Variants in MSI2 observed in about 807,000 individuals in gnomAD.
The protein encoded by MSI2 is RNA-binding protein Musashi homolog 2.
In MSI2, 17 loss-of-function variants were observed where a neutral mutation model predicts 45.6. The observed-to-expected ratio is 0.37, with a 90% CI of 0.26 to 0.56. The LOEUF (loss-of-function observed/expected upper bound fraction) is 0.56. Among genes scored for constraint, MSI2 ranks in the 20% least tolerant of loss-of-function variants. MSI2 has a pLI of 0.77. For missense variants in MSI2, 293 were observed against 444.2 expected, an observed-to-expected ratio of 0.66 and a Z score of 3.06; for synonymous variants, 156 against 158.2, an observed-to-expected ratio of 0.99 and a Z score of 0.11.
At chr17:57,563,114 A>C (rs533241589) in intron 7 of MSI2, among the ~76,000 whole-genome samples, 1 of 151,488 alleles carries the variant, frequency 6.6e-6, no homozygotes, top group East Asian at 1.9e-4. Flanking sequence ...AAAAAAAAAA[A>C]AAAAAAACAG....
At chr17:57,485,641 A>T (rs943932476) in intron 6 of MSI2, among the ~76,000 whole-genome samples, 2 of 152,186 alleles carry the variant, frequency 1.3e-5, no homozygotes, top group African/African-American at 4.8e-5. Flanking sequence ...AGCCTTTGAT[A>T]TGTAGTGATG....
At chr17:57,411,058 G>A (rs2084186613) in intron 6 of MSI2, among the ~76,000 whole-genome samples, 1 of 152,194 alleles carries the variant, frequency 6.6e-6, no homozygotes, top group Non-Finnish European at 1.5e-5. Context: ...AGGCTGGAGT[G>A]CAGCAGCACG....
At chr17:57,498,537 G>A (rs1360043552) in intron 6 of MSI2, among the ~76,000 whole-genome samples, 2 of 152,170 alleles carry the variant, frequency 1.3e-5, no homozygotes, top group South Asian at 4.1e-4. Flanking sequence ...ACCAAAATGT[G>A]GGATGGAAGG....
At chr17:57,285,115 C>T (rs16958191) in intron 5 of MSI2, among the ~76,000 whole-genome samples, 2,476 of 152,170 alleles carry the variant, frequency 0.016, 65 homozygotes, top group African/African-American at 0.056. Context: ...TTGCATCCTT[C>T]CCCTTAGATA....
intron 13 of MSI2, among the ~76,000 whole-genome samples, chr17:57,678,100 C>G (rs1598520151): frequency 6.6e-6 from 1 of 152,194 alleles, no homozygotes; most frequent in African/African-American, 2.4e-5. Context: ...GAACTGGCCA[C>G]TTTGGGCTTG....
intron 10 of MSI2, among the ~76,000 whole-genome samples, chr17:57,645,496 C>T (rs1180913900): frequency 1.3e-4 from 20 of 151,532 alleles, no homozygotes; most frequent in Non-Finnish European, 2.4e-4. Context: ...AGTCCAGTGG[C>T]GCAATGTTGG....
intron 10 of MSI2, among the ~76,000 whole-genome samples, chr17:57,644,300 G>T (rs959021690): frequency 1.3e-5 from 2 of 149,350 alleles, no homozygotes; most frequent in Middle Eastern, 3.4e-3. Flanking sequence ...TGTCCCTTTG[G>T]TTATCAATTG....
chr17:57,533,113 T>C (rs1053117173), intron 7 of MSI2, among the ~76,000 whole-genome samples: 1 of 152,186 alleles, frequency 6.6e-6, no homozygotes, highest in African/African-American at 2.4e-5. Context: ...TTGACCCCAC[T>C]GGTCACCTCC....
In MSI2 at chr17:57,648,132, CGTGTGTGTGTGTGTGTGTGT is replaced by C. The variant is rs765039915; in HGVS notation, c.728-3936_728-3917del. 1.1e-4 allele frequency among the ~76,000 whole-genome samples: 13 copies of C among 116,182 alleles called. No individual in the cohort carries two copies. In the South Asian group the frequency reaches 2.3e-3, roughly 21 times the overall value. 76.2% of individuals were successfully genotyped at this position (116,182 alleles called of 152,430 possible). A position where few individuals can be genotyped will look rare whatever the true frequency, so the allele number is the denominator to read the frequency against. ...CATGCACCACCATGCCTGGCTAATT[CGTGTGTGTGTGTGTGTGTGT>C]GTGTGTGTGTGTGTGTGTGTGTGTG... On this transcript the variant is annotated intron_variant, in intron 10 of 13. Transcript: ENST00000284073.
In MSI2 at chr17:57,660,490, C is replaced by T. The variant is rs1044615550; in HGVS notation, c.790+8329C>T. On this transcript the variant is annotated intron_variant, in intron 11 of 13. Transcript: ENST00000284073. ...GATGCCCACCACAGCCCTGGAAGTT[C>T]CTGGAAGTTCATGGATAAATACTAA... 4.6e-5 allele frequency among the ~76,000 whole-genome samples: 7 copies of T among 152,184 alleles called. No homozygotes were observed. In the East Asian group the frequency reaches 1.3e-3, roughly 29 times the overall value.
rs574710577 is a variant in MSI2 at position 57,478,433 on chromosome 17, G to A, written c.406-51243G>A. Among the ~76,000 whole-genome samples, 3 of 152,308 alleles carry A rather than the reference G, an allele frequency of 2.0e-5. No homozygotes were observed. The South Asian group carries it at 6.2e-4, about 32-fold the overall frequency. ...TTTGTTTCAAATTACAGAACTTGAA[G>A]CCTTTAGGATGCACTGCCAGATATC... On this transcript the variant is annotated intron_variant, in intron 6 of 13. Transcript: ENST00000284073.
intron 7 of MSI2, among the ~76,000 whole-genome samples, chr17:57,578,529 G>A (rs996171270): frequency 6.6e-6 from 1 of 152,020 alleles, no homozygotes; most frequent in African/African-American, 2.4e-5. Context: ...GAAGCTTGGG[G>A]CTAATTGGGA....
intron 6 of MSI2, among the ~76,000 whole-genome samples, chr17:57,439,788 T>G (rs1247742395): frequency 6.6e-6 from 1 of 152,182 alleles, no homozygotes; most frequent in Non-Finnish European, 1.5e-5. Context: ...CTTTGGACTA[T>G]TTCCTAAGAA....
chr17:57,674,341 AC>A (rs1299129267), intron 11 of MSI2, among the ~76,000 whole-genome samples: 2 of 152,020 alleles, frequency 1.3e-5, no homozygotes, highest in Admixed American at 6.5e-5. Flanking sequence ...AAAAAACAAA[AC>A]AAATTTGTCA....
chr17:57,287,029 A>G (rs1359970241), intron 5 of MSI2, among the ~76,000 whole-genome samples: 1 of 151,602 alleles, frequency 6.6e-6, no homozygotes, highest in African/African-American at 2.4e-5. Context: ...TTGAAGCCAC[A>G]TTTCTTCATT....
intron 6 of MSI2, among the ~76,000 whole-genome samples, chr17:57,477,126 C>T (rs2085552412): frequency 6.8e-6 from 1 of 146,600 alleles, no homozygotes; most frequent in Non-Finnish European, 1.5e-5. Flanking sequence ...CCATTCACTT[C>T]TGTTGGTCCA....
chr17:57,507,193 ATC>A (rs2086250100), intron 6 of MSI2, among the ~76,000 whole-genome samples: 1 of 132,234 alleles, frequency 7.6e-6, no homozygotes, highest in Non-Finnish European at 1.6e-5. Flanking sequence ...GGGGGTGTAA[ATC>A]TCTTCCCATT....
intron 5 of MSI2, among the ~76,000 whole-genome samples, chr17:57,273,138 G>A (rs924085382): frequency 6.6e-6 from 1 of 152,170 alleles, no homozygotes; most frequent in Non-Finnish European, 1.5e-5. Context: ...ATTGCTACAT[G>A]TATATGTTTC....
chr17:57,444,492 A>C (rs1042886992), intron 6 of MSI2: 4 of 152,114 alleles, frequency 2.6e-5, no homozygotes, highest in African/African-American at 9.7e-5. Flanking sequence ...GCTGAGGCAG[A>C]ATTGCTTGAA....
Sources: allele counts gnomAD v4.1 joint callset (sites outside exome capture counted in the v4.1 genomes callset), GRCh38; gene constraint gnomAD v4.1.1; transcripts MANE v1.5; gene names NCBI Gene and HGNC (gene_info 2026-07-23, HGNC 2026-07-21).